Variants in TOP2A observed in about 807,000 individuals in gnomAD.
TOP2A encodes DNA topoisomerase 2-alpha.
Under a neutral mutation model 187.2 loss-of-function variants are expected in TOP2A, and 68 were observed. The ratio of observed to expected loss-of-function variants is 0.36; its 90% CI spans 0.30 to 0.44. TOP2A has a LOEUF of 0.44. Ranked by LOEUF, TOP2A falls within the 20% of genes least tolerant of loss-of-function variation. The probability of loss-of-function intolerance (pLI) is 1.00; values close to 1 mark genes in which losing one functional copy is unlikely to be tolerated. For synonymous variants in TOP2A, 542 were observed against 593.2 expected (o/e 0.91, Z 1.25); for missense variants, 1,196 against 1,808.7 (o/e 0.66, Z 6.14).
chr17:40,408,391 G>T, intron 11 of TOP2A, 101 bp downstream of exon 11: 1 of 1,248,418 alleles, frequency 8.0e-7, no homozygotes, highest in Non-Finnish European at 1.1e-6. Context: ...GTTGAATATA[G>T]TTATTCTGTC....
intron 11 of TOP2A, 28 bp from the exon 12 acceptor site, chr17:40,408,152 T>A: frequency 2.0e-6 from 3 of 1,513,708 alleles, no homozygotes; most frequent in Non-Finnish European, 8.9e-7. Context: ...ATATTAATAT[T>A]AGCACATTTA....
chr17:40,404,620 T>C, intron 17 of TOP2A, 129 bp from the exon 18 acceptor site: 1 of 709,960 alleles, frequency 1.4e-6, no homozygotes, highest in Non-Finnish European at 2.4e-6. Context: ...TATTGAATAA[T>C]ACAGAAATAT....
chr17:40,391,613 C>G lies in TOP2A; in HGVS notation c.4160G>C (p.Ser1387Thr). ...SDLEADDVKG[S>T]VPLSSSPPAT... ...AGGAGGGCTTGAAGACAGTGGTACA[C>G]TGCCCTTAACATCATCAGCTTCAAG... The change falls in exon 33 of 35, where the codon AGT becomes ACT. Residue 1387 changes from serine to threonine, a missense_variant. Physicochemically the swap from Ser to Thr is moderately conservative, Grantham distance 58. This residue lies in a region of TOP2A where 374 missense variants were observed against 403.3 expected (regional missense o/e 0.93). Transcript: ENST00000423485. The G allele has an allele frequency of 6.2e-7, 1 of 1,607,138 alleles. No homozygotes were observed. The highest frequency in any genetic ancestry group is 1.1e-5 in the South Asian group (1 of 89,294).
At chr17:40,404,924 G>A in intron 16 of TOP2A, 41 bp from the exon 17 acceptor site, 2 of 1,181,268 alleles carry the variant, frequency 1.7e-6, no homozygotes, top group Non-Finnish European at 2.4e-6. Flanking sequence ...GGTACTAATA[G>A]GCTAATAGGT....
intron 20 of TOP2A, among the ~76,000 whole-genome samples, chr17:40,402,188 T>C (rs1349477957): frequency 1.3e-5 from 2 of 152,170 alleles, no homozygotes; most frequent in Admixed American, 1.3e-4. Flanking sequence ...TGGCATGGCA[T>C]TCCATTTACT....
chr17:40,413,119 A>G, intron 6 of TOP2A, 76 bp downstream of exon 6: 1 of 1,320,476 alleles, frequency 7.6e-7, no homozygotes, highest in East Asian at 2.5e-5. Flanking sequence ...GTTAAATTAA[A>G]CCAATCATTA....
At chr17:40,395,390 AG>A in intron 29 of TOP2A, 58 bp downstream of exon 29, 1 of 1,094,068 alleles carries the variant, frequency 9.1e-7, no homozygotes. Context: ...GGAATGTACT[AG>A]GTAACAAACA....
At chr17:40,407,702 A>T in intron 12 of TOP2A, 28 bp from the exon 13 acceptor site, 1 of 1,540,708 alleles carries the variant, frequency 6.5e-7, no homozygotes, top group Non-Finnish European at 8.7e-7. Flanking sequence ...CAAAAAAAGC[A>T]TCGTTTATAA....
chr17:40,401,104 G>T, intron 20 of TOP2A, 23 bp from the exon 21 acceptor site: 1 of 1,585,716 alleles, frequency 6.3e-7, no homozygotes. Context: ...AACAAAGAAT[G>T]TTATTTTACA....
intron 20 of TOP2A, 128 bp downstream of exon 20, chr17:40,402,778 C>A: frequency 1.0e-6 from 1 of 966,542 alleles, no homozygotes; most frequent in South Asian, 1.7e-5. Flanking sequence ...ATAAGCCTCA[C>A]CCCTGGCCTC....
chr17:40,389,770 C>T (rs1166820988), intron 34 of TOP2A, 123 bp from the exon 35 acceptor site: 1 of 1,352,884 alleles, frequency 7.4e-7, no homozygotes, highest in Non-Finnish European at 9.9e-7. Flanking sequence ...TAATAAGAAG[C>T]AGATCTAAGG....
intron 1 of TOP2A, among the ~76,000 whole-genome samples, chr17:40,417,430 T>C (rs1255497537): frequency 6.6e-6 from 1 of 151,954 alleles, no homozygotes; most frequent in African/African-American, 2.4e-5. Flanking sequence ...TCAAGACCGT[T>C]TTCAAGCAGC....
intron 20 of TOP2A, 114 bp from the exon 21 acceptor site, chr17:40,401,195 T>C: frequency 1.2e-6 from 1 of 847,582 alleles, no homozygotes; most frequent in Non-Finnish European, 1.8e-6. Flanking sequence ...ACTTGCTGAC[T>C]AATATACATT....
intron 10 of TOP2A, chr17:40,409,931 C>CA (rs1555581547): frequency 1.1e-5 from 2 of 177,814 alleles, no homozygotes; most frequent in East Asian, 1.8e-4. Context: ...AATACAACAA[C>CA]AAAAAAATTA....
chr17:40,392,153 T>C (rs2143622332), intron 31 of TOP2A, 42 bp from the exon 32 acceptor site: 1 of 1,609,794 alleles, frequency 6.2e-7, no homozygotes, highest in East Asian at 2.2e-5. Context: ...ATTCTAAATG[T>C]GTCAAGCAAA....
rs550359452 is a variant in TOP2A, at chr17:40,389,064, A to C, written c.*455T>G. The C allele has an allele frequency of 1.8e-5, 4 of 218,454 alleles. No individual in the cohort carries two copies. The East Asian group carries it at 2.8e-4, about 15-fold the overall frequency. 13.5% of individuals were successfully genotyped at this position (218,454 alleles called of 1,614,324 possible). A position where few individuals can be genotyped will look rare whatever the true frequency, so the allele number is the denominator to read the frequency against. The stretch of plus-strand genomic sequence containing the variant: ...TACTAGAACCATAAAGTTCTATCTG[A>C]TGGTAAATTATGTATAAAACTAAGA... On this transcript the variant is annotated 3_prime_UTR_variant, in exon 35 of 35. Transcript: ENST00000423485.
At position 40,395,589 on chromosome 17, in the gene TOP2A, G is replaced by T. The variant is rs200356077; in HGVS notation, c.3721-50C>A. ...GGATATAGAATAAATTCTGAACTAT[G>T]GGATTAGAGATTTTATACATTTTTG... On this transcript the variant is annotated intron_variant, in intron 28 of 34. Transcript: ENST00000423485. The T allele has an allele frequency of 1.1e-5, 15 of 1,347,654 alleles. No homozygotes were observed. The East Asian group carries it at 3.3e-4, about 30-fold the overall frequency. The allele number at this position is 1,347,654 out of a possible 1,614,324, so 83.5% of individuals were successfully genotyped here.
intron 10 of TOP2A, chr17:40,409,096 A>T (rs995065142): frequency 3.0e-6 from 1 of 328,150 alleles, no homozygotes; most frequent in African/African-American, 2.3e-5. Context: ...CGGGAGGCTG[A>T]GGCAGGAGAA....
intron 20 of TOP2A, among the ~76,000 whole-genome samples, chr17:40,402,349 T>C (rs1390859606): frequency 1.3e-5 from 2 of 152,094 alleles, no homozygotes; most frequent in Non-Finnish European, 2.9e-5. Flanking sequence ...ATAGAACGGA[T>C]GAATGGGAGA....
Sources: gnomAD v4.1 joint callset for allele counts (sites outside exome capture counted in the v4.1 genomes callset) on GRCh38, gnomAD v4.1.1 for gene constraint, gnomAD v4.1.1 regional missense constraint, MANE v1.5 for transcripts, NCBI Gene and HGNC (gene_info 2026-07-23, HGNC 2026-07-21) for gene names.